CADM2: variants seen among roughly 807,000 people sequenced by gnomAD.
CADM2 encodes immunoglobulin superfamily member 4D.
Under a neutral mutation model 49.8 loss-of-function variants are expected in CADM2, and 12 were observed. The observed-to-expected ratio is 0.24, with a 90% CI of 0.15 to 0.39. The LOEUF is 0.39. Ranked by LOEUF, CADM2 falls within the 10% of genes least tolerant of loss-of-function variation. The probability of loss-of-function intolerance (pLI) is 1.00; values close to 1 mark genes in which losing one functional copy is unlikely to be tolerated. For synonymous variants in CADM2, 214 were observed against 175.4 expected (o/e 1.22, Z -1.74); for missense variants, 378 against 492.3 (o/e 0.77, Z 2.20).
At chr3:85,281,036 C>T (rs994769282) in intron 1 of CADM2, among the ~76,000 whole-genome samples, 1 of 151,784 alleles carries the variant, frequency 6.6e-6, no homozygotes, top group Non-Finnish European at 1.5e-5. Context: ...ATAATCTCAA[C>T]ATCTAGGATT....
intron 1 of CADM2, among the ~76,000 whole-genome samples, chr3:85,233,262 G>T (rs540405269): frequency 6.6e-6 from 1 of 152,038 alleles, no homozygotes; most frequent in South Asian, 2.1e-4. Context: ...AATAGGTGGC[G>T]TACAGGGTGG....
At chr3:85,276,965 GA>G (rs1032641991) in intron 1 of CADM2, among the ~76,000 whole-genome samples, 1 of 151,018 alleles carries the variant, frequency 6.6e-6, no homozygotes, top group African/African-American at 2.4e-5. Flanking sequence ...TAAATCCTTT[GA>G]AAAAAATTTA....
intron 7 of CADM2, among the ~76,000 whole-genome samples, chr3:85,949,191 A>T (rs111371766): frequency 5.3e-5 from 8 of 151,562 alleles, no homozygotes; most frequent in Non-Finnish European, 1.2e-4. Context: ...AAATCAATTT[A>T]TATGACTTTT....
chr3:85,552,018 T>C (rs950488919), intron 1 of CADM2, among the ~76,000 whole-genome samples: 8 of 152,080 alleles, frequency 5.3e-5, no homozygotes, highest in African/African-American at 1.9e-4. Flanking sequence ...GTAGGATCCT[T>C]CTTAAAATAT....
chr3:85,131,087 G>A (rs1174606144), intron 1 of CADM2, among the ~76,000 whole-genome samples: 2 of 152,106 alleles, frequency 1.3e-5, no homozygotes, highest in African/African-American at 4.8e-5. Flanking sequence ...GCTGAGGCAG[G>A]AGAGTCACTT....
intron 1 of CADM2, among the ~76,000 whole-genome samples, chr3:85,620,684 C>A (rs749454406): frequency 1.3e-5 from 2 of 152,030 alleles, no homozygotes; most frequent in African/African-American, 4.8e-5. Flanking sequence ...TATGTGCAAT[C>A]CTTAAAACAT....
chr3:85,031,671 C>T (rs912325519), intron 1 of CADM2, among the ~76,000 whole-genome samples: 7 of 152,116 alleles, frequency 4.6e-5, no homozygotes, highest in East Asian at 1.9e-4. Flanking sequence ...CACGCCACCA[C>T]GCCCGGCTAA....
intron 1 of CADM2, among the ~76,000 whole-genome samples, chr3:84,971,156 A>G (rs1266740260): frequency 6.6e-6 from 1 of 152,122 alleles, no homozygotes; most frequent in Non-Finnish European, 1.5e-5. Context: ...AAACACCTTT[A>G]CCTGTTACTT....
intron 1 of CADM2, among the ~76,000 whole-genome samples, chr3:85,238,805 A>T (rs116246586): frequency 3.4e-3 from 521 of 152,028 alleles, no homozygotes; most frequent in African/African-American, 0.012. Flanking sequence ...CAGAATTGTG[A>T]TACGAATATA....
intron 8 of CADM2, among the ~76,000 whole-genome samples, chr3:85,964,776 G>A (rs554356728): frequency 1.3e-5 from 2 of 151,728 alleles, no homozygotes; most frequent in Non-Finnish European, 2.9e-5. Context: ...AACAAGCTTG[G>A]CAATGGAAAA....
At chr3:85,668,532 G>T (rs956753336) in intron 1 of CADM2, among the ~76,000 whole-genome samples, 1 of 152,054 alleles carries the variant, frequency 6.6e-6, no homozygotes, top group Non-Finnish European at 1.5e-5. Flanking sequence ...AATCATGGTG[G>T]TGTGTCTTTT....
At chr3:85,074,985 T>C (rs1364389096) in intron 1 of CADM2, among the ~76,000 whole-genome samples, 1 of 151,500 alleles carries the variant, frequency 6.6e-6, no homozygotes, top group Non-Finnish European at 1.5e-5. Context: ...CAATTTAGCA[T>C]AGCTCAGTAA....
chr3:86,026,412 A>C (rs986509615), intron 8 of CADM2, among the ~76,000 whole-genome samples: 8 of 151,878 alleles, frequency 5.3e-5, no homozygotes, highest in Non-Finnish European at 1.0e-4. Context: ...AATTAGATAT[A>C]ATTATACTCA....
intron 1 of CADM2, among the ~76,000 whole-genome samples, chr3:85,682,786 G>T (rs545758028): frequency 2.8e-4 from 42 of 152,122 alleles, no homozygotes; most frequent in African/African-American, 9.2e-4. Context: ...ATCCCACTTT[G>T]TTAAAGTCAT....
chr3:85,944,219 G>A (rs545037163), intron 7 of CADM2, among the ~76,000 whole-genome samples: 155 of 152,012 alleles, frequency 1.0e-3, no homozygotes, highest in Middle Eastern at 3.4e-3. Context: ...CAACAAGAGC[G>A]AACTATCCTA....
intron 1 of CADM2, among the ~76,000 whole-genome samples, chr3:85,248,129 G>T (rs925414336): frequency 2.6e-5 from 4 of 152,134 alleles, no homozygotes; most frequent in Non-Finnish European, 5.9e-5. Flanking sequence ...CATTTAAAAT[G>T]ATATTTAAAA....
chr3:85,967,046 A>G (rs1436821085), intron 8 of CADM2, among the ~76,000 whole-genome samples: 1 of 151,712 alleles, frequency 6.6e-6, no homozygotes, highest in Non-Finnish European at 1.5e-5. Context: ...AGAATCAATA[A>G]GATTGCTACT....
At chr3:85,163,663 A>G (rs1194962376) in intron 1 of CADM2, among the ~76,000 whole-genome samples, 2 of 152,046 alleles carry the variant, frequency 1.3e-5, no homozygotes, top group Non-Finnish European at 2.9e-5. Context: ...AAAGACTATG[A>G]CAGTTCTTAC....
At chr3:85,534,410 T>C (rs2061383089) in intron 1 of CADM2, among the ~76,000 whole-genome samples, 1 of 152,224 alleles carries the variant, frequency 6.6e-6, no homozygotes, top group South Asian at 2.1e-4. Context: ...GTAGACCAAC[T>C]ATTTCCATCA....
Sources: allele counts gnomAD v4.1 joint callset (sites outside exome capture counted in the v4.1 genomes callset), GRCh38; gene constraint gnomAD v4.1.1; transcripts MANE v1.5; gene names NCBI Gene and HGNC (gene_info 2026-07-23, HGNC 2026-07-21).